Variants in QTMAN observed in about 807,000 individuals in gnomAD.
The protein encoded by QTMAN is tRNA-queuosine alpha-mannosyltransferase.
At chr2:144,312,008 T>C in the QTMAN span, among the ~76,000 whole-genome samples, 2 of 152,254 alleles carry the variant, frequency 1.3e-5, no homozygotes, top group East Asian at 3.9e-4. Context: ...ATGGAATATA[T>C]GCTTTCAAAC....
the QTMAN span, among the ~76,000 whole-genome samples, chr2:144,138,268 T>C: frequency 6.6e-6 from 1 of 152,030 alleles, no homozygotes; most frequent in African/African-American, 2.4e-5. Context: ...GAGGCAGTGG[T>C]GACCCTGACT....
At chr2:143,955,472 T>A in the QTMAN span, among the ~76,000 whole-genome samples, 1 of 152,144 alleles carries the variant, frequency 6.6e-6, no homozygotes, top group African/African-American at 2.4e-5. Flanking sequence ...TCATACTCTT[T>A]ACAACTCATA....
At chr2:144,148,033 T>C in the QTMAN span, among the ~76,000 whole-genome samples, 1 of 151,856 alleles carries the variant, frequency 6.6e-6, no homozygotes, top group Non-Finnish European at 1.5e-5. Context: ...GATCCTTTAG[T>C]GGACACTGGA....
chr2:143,968,844 C>A, the QTMAN span, among the ~76,000 whole-genome samples: 1 of 152,204 alleles, frequency 6.6e-6, no homozygotes, highest in Non-Finnish European at 1.5e-5. Context: ...AATCTCTCTG[C>A]CAGCACCTTA....
the QTMAN span, among the ~76,000 whole-genome samples, chr2:144,324,744 A>C: frequency 1.3e-5 from 2 of 152,174 alleles, no homozygotes; most frequent in Non-Finnish European, 2.9e-5. Context: ...GCTGGTGCAC[A>C]CTGAAAATAA....
chr2:144,058,555 T>C, the QTMAN span, among the ~76,000 whole-genome samples: 316 of 152,342 alleles, frequency 2.1e-3, 4 homozygotes, highest in African/African-American at 7.3e-3. Context: ...TTTTAGAGAC[T>C]GATATAGCCT....
chr2:144,320,518 A>T, the QTMAN span, among the ~76,000 whole-genome samples: 2 of 152,142 alleles, frequency 1.3e-5, no homozygotes, highest in Admixed American at 6.6e-5. Context: ...CCTCAATCCA[A>T]GGGGTTAATA....
At chr2:144,232,648 G>T in the QTMAN span, among the ~76,000 whole-genome samples, 1 of 152,064 alleles carries the variant, frequency 6.6e-6, no homozygotes, top group African/African-American at 2.4e-5. Flanking sequence ...ACTATTAACT[G>T]TTCTTATCTT....
the QTMAN span, among the ~76,000 whole-genome samples, chr2:144,101,412 ACAC>A: frequency 1.3e-5 from 2 of 151,856 alleles, no homozygotes; most frequent in African/African-American, 4.8e-5. Context: ...ACACACACAC[ACAC>A]TACTTTACTG....
the QTMAN span, among the ~76,000 whole-genome samples, chr2:144,018,920 A>G: frequency 6.6e-6 from 1 of 152,188 alleles, no homozygotes; most frequent in East Asian, 1.9e-4. Context: ...GACCTCCATG[A>G]TAACTACAAG....
the QTMAN span, among the ~76,000 whole-genome samples, chr2:144,258,629 C>T: frequency 6.6e-6 from 1 of 152,116 alleles, no homozygotes; most frequent in Non-Finnish European, 1.5e-5. Flanking sequence ...CATCCAATTA[C>T]TCAGAAAATA....
At chr2:144,233,460 G>A in the QTMAN span, among the ~76,000 whole-genome samples, 9 of 152,274 alleles carry the variant, frequency 5.9e-5, no homozygotes, top group African/African-American at 2.2e-4. Flanking sequence ...AGAAGAGGGG[G>A]AAATAATGGT....
chr2:144,123,614 C>T, the QTMAN span, among the ~76,000 whole-genome samples: 6 of 152,218 alleles, frequency 3.9e-5, no homozygotes, highest in Admixed American at 2.6e-4. Context: ...TGTTTTAAGT[C>T]GGACAACTAA....
chr2:144,133,824 AAAAT>A, the QTMAN span, among the ~76,000 whole-genome samples: 4 of 151,816 alleles, frequency 2.6e-5, no homozygotes, highest in South Asian at 8.3e-4. Flanking sequence ...CTGAAGAGCC[AAAAT>A]AATTGTTAGC....
chr2:144,008,918 G>GC, the QTMAN span, among the ~76,000 whole-genome samples: 1 of 151,932 alleles, frequency 6.6e-6, no homozygotes, highest in African/African-American at 2.4e-5. Flanking sequence ...ACTGCAGGAG[G>GC]CTAGGGTTTG....
the QTMAN span, among the ~76,000 whole-genome samples, chr2:144,242,878 C>T: frequency 6.7e-6 from 1 of 149,196 alleles, no homozygotes; most frequent in Non-Finnish European, 1.5e-5. Flanking sequence ...ATGAGAATCA[C>T]CTGAACGCAG....
the QTMAN span, among the ~76,000 whole-genome samples, chr2:144,217,637 T>C: frequency 6.6e-6 from 1 of 151,946 alleles, no homozygotes. Context: ...CCTCCCAGAG[T>C]CCAACATAAT....
chr2:144,021,875 G>A, the QTMAN span, among the ~76,000 whole-genome samples: 426 of 152,216 alleles, frequency 2.8e-3, 3 homozygotes, highest in African/African-American at 9.8e-3. Context: ...GAAAATGTGC[G>A]TGTGCGTCCA....
chr2:144,001,570 T>C, the QTMAN span, among the ~76,000 whole-genome samples: 1 of 151,970 alleles, frequency 6.6e-6, no homozygotes. Context: ...GTAGAACTTA[T>C]AACTGTAGCT....
Sources: gnomAD v4.1 joint callset for allele counts (sites outside exome capture counted in the v4.1 genomes callset) on GRCh38, gnomAD v4.1.1 for gene constraint, MANE v1.5 for transcripts, NCBI Gene and HGNC (gene_info 2026-07-23, HGNC 2026-07-21) for gene names.